The following SAGE1 variants were observed in gnomAD, a reference collection of about 807,000 sequenced individuals.
SAGE1 encodes the protein cancer/testis antigen 14.
SAGE1 carries 55 observed loss-of-function variants against 55.4 expected under a neutral mutation model. The observed-to-expected ratio is 0.99, with a 90% confidence interval of 0.80 to 1.24. The LOEUF is 1.24. Ranked by LOEUF, SAGE1 falls within the 50% of genes most tolerant of loss-of-function variation. The pLI, the probability that SAGE1 is intolerant of heterozygous loss-of-function variation, is 0.00. For synonymous variants in SAGE1, 240 were observed against 244.3 expected (o/e 0.98, Z 0.17); for missense variants, 710 against 704.4 (o/e 1.01, Z -0.09).
Position 135,909,645 on chromosome X carries a change from C to A in SAGE1, c.1589C>A (p.Thr530Asn), listed in dbSNP as rs1556604895. Residue 530 changes from threonine (T) to asparagine (N), a missense_variant, in exon 14 of 20, where the codon ACC (threonine) becomes AAC (asparagine). Thr to Asn is a moderately conservative substitution (Grantham distance 65). Coordinates refer to ENST00000370709, the MANE Select transcript of SAGE1 (RefSeq NM_001381902.1). ...CTCTTTATTTGGTTTCCAGATGCTA[C>A]CGTCACTCAAAATGTCCATGAAGAG... Reference protein sequence around the residue: ...PSMSTKDLYATVTQNVHEERM... With the variant: ...PSMSTKDLYANVTQNVHEERM... The A allele has an allele frequency of 2.5e-6, 3 of 1,200,298 alleles. No homozygotes were observed. In the South Asian group the frequency reaches 5.5e-5, roughly 22 times the overall value.
chrX:135,905,892 C>G (rs2088777362), intron 5 of SAGE1, 132 bp from the exon 6 acceptor site: 2 of 575,164 alleles, frequency 3.5e-6, no homozygotes, highest in African/African-American at 2.3e-5. Context: ...ATTCAGGGGT[C>G]TCAAATCACC....
Position 135,912,362 on chromosome X carries a change from T to C in SAGE1, c.2563T>C (p.Ser855Pro). 1.7e-6 allele frequency: 2 copies of C among 1,203,651 alleles called. No individual in the cohort carries two copies. Among genetic ancestry groups the C allele is most frequent in the African/African-American group, 1.7e-5 (1 of 57,351 alleles). The part of the protein sequence containing the change: ...IFILLEEVQG[S>P]MKVKRQFVEF... ...CATTTTGCTTGAAGAGGTACAAGGA[T>C]CTATGAAAGTCAAGAGACAATTTGT... Residue 855 changes from serine (S) to proline (P), a missense_variant, in exon 19 of 20, where the codon TCT becomes CCT. Physicochemically the swap from Ser to Pro is moderately conservative, Grantham distance 74. Transcript: ENST00000370709.
chrX:135,907,696 T>A lies in SAGE1; in HGVS notation c.1019-5T>A. ...CAGAGCTCAAGCTTTTCATTTGGTT[T>A]CCAGATGCTACCATCACTCACAATG... On this transcript the variant is annotated splice_polypyrimidine_tract_variant and splice_region_variant and intron_variant, in intron 9 of 19. Transcript: ENST00000370709. The A allele has an allele frequency of 8.3e-7, 1 of 1,209,313 alleles. No homozygotes were observed. Among genetic ancestry groups the A allele is most frequent in the South Asian group, 1.8e-5 (1 of 56,525 alleles).
intron 1 of SAGE1, among the ~76,000 whole-genome samples, chrX:135,894,261 G>A (rs1556591990): frequency 8.9e-6 from 1 of 111,994 alleles, no homozygotes; most frequent in African/African-American, 3.2e-5. Context: ...TAGTAGAGAC[G>A]GAGTTTCTCC....
At chrX:135,912,712 A>G in intron 19 of SAGE1, 86 bp from the exon 20 acceptor site, 1 of 1,138,755 alleles carries the variant, frequency 8.8e-7, no homozygotes, top group Non-Finnish European at 1.2e-6. Context: ...GTAGATGGTA[A>G]ATTCTATTTT....
chrX:135,907,831 C>T lies in SAGE1; in HGVS notation c.1149C>T (p.Thr383=), dbSNP rs372184159. 6.6e-6 allele frequency: 8 copies of T among 1,208,417 alleles called. No individual in the cohort carries two copies. In the African/African-American group the frequency reaches 1.1e-4, roughly 16 times the overall value. The change falls in exon 10 of 20, where the codon ACC becomes ACT. Residue 383 remains threonine (T), a synonymous_variant. Coordinates refer to ENST00000370709, the MANE Select transcript of SAGE1 (RefSeq NM_001381902.1). ...CAGCTGATATGCCAGCCATGAGTACCAGGGATCAGCGTAAGTTTGTTTACT... is the reference window on the plus strand; with the variant it reads ...CAGCTGATATGCCAGCCATGAGTACTAGGGATCAGCGTAAGTTTGTTTACT... ...LATADMPAMS[T]RDQHATIIHN...
intron 5 of SAGE1, 71 bp from the exon 6 acceptor site, chrX:135,905,953 C>T: frequency 3.3e-6 from 3 of 909,758 alleles, no homozygotes; most frequent in Non-Finnish European, 4.6e-6. Flanking sequence ...AACTGAGCAT[C>T]AGAGGGATAT....
In SAGE1 at chrX:135,906,317, A is replaced by G. The variant is rs868988777; in HGVS notation, c.596-94A>G. 13 of 1,109,342 alleles carry G rather than the reference A, an allele frequency of 1.2e-5. No homozygotes were observed. In the Middle Eastern group the frequency reaches 2.8e-3, roughly 236 times the overall value. The allele number at this position is 1,109,342 out of a possible 1,213,427, so 91.4% of individuals were successfully genotyped here. A position where few individuals can be genotyped will look rare whatever the true frequency, so the allele number is the denominator to read the frequency against. On this transcript the variant is annotated intron_variant, in intron 6 of 19. Coordinates refer to ENST00000370709, the MANE Select transcript of SAGE1 (RefSeq NM_001381902.1). ...CCTGATATATCCTACTGCTTTATGA[A>G]ATAATTTCATAGAAACTGAGCACCA... is the stretch of plus-strand genomic sequence containing the variant.
At position 135,910,423 on chromosome X, in the gene SAGE1, G is replaced by A. The variant is rs1556605660; in HGVS notation, c.1873G>A (p.Val625Ile). The A allele has an allele frequency of 1.7e-6, 2 of 1,210,177 alleles. No individual in the cohort carries two copies. The highest frequency in any genetic ancestry group is 4.4e-5 in the Admixed American group (2 of 45,906). Reference protein sequence around the residue: ...SMSTRDQYAAVTHNIREEKIN... With the variant: ...SMSTRDQYAAITHNIREEKIN... ...TCTTCTTTTGTTTCCAGATGCTGCAGTCACTCACAACATCCGTGAAGAGAA... is the reference window on the plus strand; with the variant it reads ...TCTTCTTTTGTTTCCAGATGCTGCAATCACTCACAACATCCGTGAAGAGAA... The change falls in exon 16 of 20, where the codon GTC (valine) becomes ATC (isoleucine). Residue 625 changes from valine to isoleucine, a missense_variant. Coordinates refer to ENST00000370709, the MANE Select transcript of SAGE1 (RefSeq NM_001381902.1).
intron 15 of SAGE1, 113 bp downstream of exon 15, chrX:135,910,283 T>G: frequency 9.7e-7 from 1 of 1,031,307 alleles, no homozygotes; most frequent in Non-Finnish European, 1.3e-6. Flanking sequence ...AATTTTAGGG[T>G]TCTCAGATTG....
chrX:135,894,300 A>G (rs2088549554), intron 1 of SAGE1, among the ~76,000 whole-genome samples: 1 of 112,378 alleles, frequency 8.9e-6, no homozygotes, highest in Admixed American at 9.4e-5. Flanking sequence ...TCAAACTCCC[A>G]ACCTCAGGTG....
chrX:135,900,651 C>T (rs782819557), intron 2 of SAGE1, among the ~76,000 whole-genome samples: 1 of 111,034 alleles, frequency 9.0e-6, no homozygotes, highest in East Asian at 2.8e-4. Flanking sequence ...AACATACATA[C>T]TATACCCTTC....
chrX:135,906,620 C>G (rs368063327), intron 7 of SAGE1, 69 bp downstream of exon 7: 173 of 828,829 alleles, frequency 2.1e-4, no homozygotes, highest in South Asian at 3.0e-4. Flanking sequence ...AAAAAGCATA[C>G]AAGGTGGTTT....
intron 2 of SAGE1, 61 bp downstream of exon 2, chrX:135,896,390 A>C: frequency 5.1e-6 from 4 of 778,679 alleles, no homozygotes; most frequent in Non-Finnish European, 7.9e-6. Flanking sequence ...TTATTTTCTC[A>C]TTGGAAAGAT....
Position 135,896,392 on chromosome X carries a change from T to C in SAGE1, c.87+63T>C. On this transcript the variant is annotated intron_variant, in intron 2 of 19. Transcript: ENST00000370709. ...ATTCTTCGTATAATTATTTTCTCATTGGAAAGATGAATATAAACTATATGT... is the reference window on the plus strand; with the variant it reads ...ATTCTTCGTATAATTATTTTCTCATCGGAAAGATGAATATAAACTATATGT... 7 of 775,053 alleles carry C rather than the reference T, an allele frequency of 9.0e-6. No individual in the cohort carries two copies. The South Asian group carries it at 1.6e-4, about 17-fold the overall frequency. 63.9% of individuals were successfully genotyped at this position (775,053 alleles called of 1,213,427 possible).
Position 135,911,266 on chromosome X carries a change from A to G in SAGE1, c.2080A>G (p.Thr694Ala), listed in dbSNP as rs782636673. 2.8e-5 allele frequency: 34 copies of G among 1,207,484 alleles called. No homozygotes were observed. Among genetic ancestry groups the G allele is most frequent in the South Asian group, 2.5e-4 (14 of 56,725 alleles). Residue 694 changes from threonine (T) to alanine (A), a missense_variant, in exon 17 of 20, where the codon ACG becomes GCG. Thr to Ala is a moderately conservative substitution (Grantham distance 58). Transcript: ENST00000370709. ...ACAGGCACCTGATAACTCCTTGTCAACGGTTCCACCTGGTTGTATTAATCT... is the reference window on the plus strand; with the variant it reads ...ACAGGCACCTGATAACTCCTTGTCAGCGGTTCCACCTGGTTGTATTAATCT... Reference protein sequence around the residue: ...GQQAPDNSLSTVPPGCINLSG... With the variant: ...GQQAPDNSLSAVPPGCINLSG...
At position 135,910,492 on chromosome X, in the gene SAGE1, G is replaced by C. The variant is rs147443347; in HGVS notation, c.1942G>C (p.Ala648Pro). 667 of 1,207,957 alleles carry C rather than the reference G, an allele frequency of 5.5e-4. 1 individual carries two copies. The highest frequency in any genetic ancestry group is 3.9e-3 in the Middle Eastern group (17 of 4,345). The change falls in exon 16 of 20, where the codon GCT becomes CCT. Residue 648 changes from alanine to proline, a missense_variant. Transcript: ENST00000370709. ...AGCACCTGGTAACATCTTGTCAACT[G>C]CTCCTCCATGGCTTCGTCATATGGC... ...QPAPGNILST[A>P]PPWLRHMAAA... is the part of the protein sequence containing the mutation.
chrX:135,911,809 G>A lies in SAGE1; in HGVS notation c.2377G>A (p.Val793Ile). ...TGCGGTAGGCACCAAAAACTACAGT[G>A]TCTCTGCAGGTGACCCACCAGTTAC... ...EFAVGTKNYS[V>I]SAGDPPVTVM... Residue 793 changes from valine (V) to isoleucine (I), a missense_variant, in exon 18 of 20, where the codon GTC becomes ATC. Coordinates refer to ENST00000370709, the MANE Select transcript of SAGE1 (RefSeq NM_001381902.1). 8.3e-7 allele frequency: 1 copy of A among 1,209,711 alleles called. No individual in the cohort carries two copies. Among genetic ancestry groups the A allele is most frequent in the Non-Finnish European group, 1.1e-6 (1 of 893,519 alleles).
intron 1 of SAGE1, among the ~76,000 whole-genome samples, chrX:135,895,012 T>TTTG (rs2088562595): frequency 3.2e-5 from 2 of 63,405 alleles, no homozygotes; most frequent in South Asian, 1.4e-3. Flanking sequence ...TTGTTTGTTT[T>TTTG]TTAACTTAAA....
Sources: allele counts gnomAD v4.1 joint callset (sites outside exome capture counted in the v4.1 genomes callset), GRCh38; gene constraint gnomAD v4.1.1; transcripts MANE v1.5; gene names NCBI Gene and HGNC (gene_info 2026-07-23, HGNC 2026-07-21).